The following TLN2 variants were observed in gnomAD, a reference collection of about 807,000 sequenced individuals.
TLN2 encodes the protein talin-2.
In TLN2, 118 loss-of-function variants were observed where a neutral mutation model predicts 294.7. The ratio of observed to expected loss-of-function variants is 0.40; its 90% CI spans 0.34 to 0.47. The LOEUF is 0.47. Among genes scored for constraint, TLN2 ranks in the 20% least tolerant of loss-of-function variants. The pLI is 0.84. For synonymous variants in TLN2, 1,431 were observed against 1,304.5 expected (o/e 1.10, Z -2.09); for missense variants, 3,083 against 3,282.2 (o/e 0.94, Z 1.48).
intron 1 of TLN2, among the ~76,000 whole-genome samples, chr15:62,542,415 C>T (rs2041747112): frequency 6.6e-6 from 1 of 152,164 alleles, no homozygotes; most frequent in South Asian, 2.1e-4. Flanking sequence ...TGGTCTCGAT[C>T]TCCTGACCTC....
intron 9 of TLN2, chr15:62,658,307 G>T: frequency 6.2e-6 from 1 of 161,238 alleles, no homozygotes; most frequent in Non-Finnish European, 1.3e-5. Context: ...GGCCATTCTT[G>T]GTATTGTGCA....
intron 1 of TLN2, among the ~76,000 whole-genome samples, chr15:62,394,148 T>G (rs535463678): frequency 5.3e-5 from 8 of 152,352 alleles, no homozygotes; most frequent in African/African-American, 1.9e-4. Flanking sequence ...TAAGATTTTG[T>G]AACTTCAAAA....
intron 37 of TLN2, among the ~76,000 whole-genome samples, chr15:62,759,706 C>G (rs1255032842): frequency 6.6e-6 from 1 of 152,162 alleles, no homozygotes; most frequent in Non-Finnish European, 1.5e-5. Context: ...TCCTGTTAAG[C>G]TGGAAGTCGT....
chr15:62,712,975 G>C (rs1170721141), intron 22 of TLN2, among the ~76,000 whole-genome samples: 1 of 150,636 alleles, frequency 6.6e-6, no homozygotes, highest in African/African-American at 2.5e-5. Flanking sequence ...ATGCATATAA[G>C]ATTCATTAAG....
intron 1 of TLN2, among the ~76,000 whole-genome samples, chr15:62,456,802 TC>T (rs2036509482): frequency 6.6e-6 from 1 of 152,186 alleles, no homozygotes; most frequent in Non-Finnish European, 1.5e-5. Context: ...GGTTTACTCT[TC>T]CATCCGTTGT....
At chr15:62,741,748 C>CGCACGTGTGTGTGTGTGTGTGTGT in intron 32 of TLN2, among the ~76,000 whole-genome samples, 1 of 131,072 alleles carries the variant, frequency 7.6e-6, no homozygotes, top group African/African-American at 2.9e-5. Context: ...AAAATTTGCG[C>CGCACGTGTGTGTGTGTGTGTGTGT]GTGTGTGTGT....
At chr15:62,481,491 T>G (rs948279559) in intron 1 of TLN2, among the ~76,000 whole-genome samples, 41 of 152,292 alleles carry the variant, frequency 2.7e-4, no homozygotes, top group African/African-American at 9.6e-4. Context: ...GCTTCTTGAG[T>G]AGCTGAAACT....
chr15:62,820,821 A>G (rs2067501445), intron 54 of TLN2, among the ~76,000 whole-genome samples: 1 of 152,162 alleles, frequency 6.6e-6, no homozygotes, highest in Non-Finnish European at 1.5e-5. Flanking sequence ...ACCCAGAAAA[A>G]TTCCTCTGAG....
chr15:62,733,211 C>T (rs1048735027), intron 28 of TLN2, among the ~76,000 whole-genome samples: 7 of 152,134 alleles, frequency 4.6e-5, no homozygotes, highest in Non-Finnish European at 2.9e-5. Context: ...AGGGATGTCT[C>T]TAGAGCCATA....
intron 32 of TLN2, among the ~76,000 whole-genome samples, chr15:62,747,439 TGGAA>T (rs1026677436): frequency 5.9e-5 from 9 of 152,216 alleles, no homozygotes; most frequent in Admixed American, 2.6e-4. Flanking sequence ...TAGAATTTAA[TGGAA>T]GGAAGAAATT....
At chr15:62,752,191 G>A in intron 34 of TLN2, 114 bp from the exon 35 acceptor site, 1 of 1,368,714 alleles carries the variant, frequency 7.3e-7, no homozygotes, top group Middle Eastern at 1.9e-4. Context: ...AGGAGAAAAT[G>A]TCAAATGTTC....
At chr15:62,409,149 AT>A (rs143913767) in intron 1 of TLN2, among the ~76,000 whole-genome samples, 4 of 148,494 alleles carry the variant, frequency 2.7e-5, no homozygotes, top group Admixed American at 1.3e-4. Context: ...ACTGTTGGGG[AT>A]TTTTTTTTGT....
At chr15:62,579,666 C>G (rs1399452102) in intron 1 of TLN2, among the ~76,000 whole-genome samples, 1 of 152,094 alleles carries the variant, frequency 6.6e-6, no homozygotes, top group Non-Finnish European at 1.5e-5. Flanking sequence ...GAAGAGGATG[C>G]CCCTCCTTCT....
At chr15:62,508,769 C>A (rs938667757) in intron 1 of TLN2, among the ~76,000 whole-genome samples, 5 of 152,076 alleles carry the variant, frequency 3.3e-5, no homozygotes, top group African/African-American at 1.2e-4. Context: ...CATTTAGATT[C>A]ATGTTTCTCT....
chr15:62,584,938 C>CT (rs1049291287), intron 1 of TLN2, among the ~76,000 whole-genome samples: 25 of 152,084 alleles, frequency 1.6e-4, no homozygotes, highest in East Asian at 3.9e-4. Flanking sequence ...GTTATAAAAG[C>CT]TTTTTTTTAA....
At chr15:62,408,247 A>T (rs1360387815) in intron 1 of TLN2, among the ~76,000 whole-genome samples, 1 of 152,232 alleles carries the variant, frequency 6.6e-6, no homozygotes, top group African/African-American at 2.4e-5. Flanking sequence ...CAAGAAAAAA[A>T]TGTGATTATT....
intron 11 of TLN2, 88 bp downstream of exon 11, chr15:62,675,409 T>C: frequency 2.2e-6 from 3 of 1,339,500 alleles, no homozygotes; most frequent in Non-Finnish European, 3.2e-6. Context: ...TGGTTTGTCC[T>C]GCTCACCCCC....
chr15:62,669,664 A>T (rs1466086051), intron 9 of TLN2, among the ~76,000 whole-genome samples: 1 of 152,134 alleles, frequency 6.6e-6, no homozygotes, highest in Non-Finnish European at 1.5e-5. Context: ...TTTTTCTCTG[A>T]CAAGGCTGAC....
chr15:62,494,834 T>C (rs952910177), intron 1 of TLN2, among the ~76,000 whole-genome samples: 2 of 152,182 alleles, frequency 1.3e-5, no homozygotes, highest in Non-Finnish European at 2.9e-5. Flanking sequence ...GCAGCCCCCT[T>C]GCTATAGCTG....
Sources: gnomAD v4.1 joint callset for allele counts (sites outside exome capture counted in the v4.1 genomes callset) on GRCh38, gnomAD v4.1.1 for gene constraint, MANE v1.5 for transcripts, NCBI Gene and HGNC (gene_info 2026-07-23, HGNC 2026-07-21) for gene names.